PIP5K1C: variants seen among roughly 807,000 people sequenced by gnomAD.
The protein encoded by PIP5K1C is phosphatidylinositol 4-phosphate 5-kinase type-1 gamma.
In PIP5K1C, 45 loss-of-function variants were observed where a neutral mutation model predicts 80.1. That is an observed-to-expected ratio of 0.56 (90% CI 0.44 to 0.72). PIP5K1C has a LOEUF of 0.72. Among genes scored for constraint, PIP5K1C ranks in the 30% least tolerant of loss-of-function variants. The pLI, the probability that PIP5K1C is intolerant of heterozygous loss-of-function variation, is 0.00. For synonymous variants in PIP5K1C, 498 were observed against 420.1 expected, an observed-to-expected ratio of 1.19 and a Z score of -2.27; for missense variants, 753 against 954.6, an observed-to-expected ratio of 0.79 and a Z score of 2.78.
At chr19:3,664,716 C>T (rs990368188) in intron 3 of PIP5K1C, 106 bp downstream of exon 3, 1 of 976,186 alleles carries the variant, frequency 1.0e-6, no homozygotes, top group Admixed American at 1.7e-5. Flanking sequence ...CTGGGCAGAC[C>T]CTGGTTTGTG....
Position 3,634,179 on chromosome 19 carries a change from C to G in PIP5K1C, c.1921-659G>C, listed in dbSNP as rs554318428. Among the ~76,000 whole-genome samples the G allele has an allele frequency of 4.6e-5, 7 of 150,562 alleles. No homozygotes were observed. In the South Asian group the frequency reaches 1.3e-3, roughly 28 times the overall value. Reference sequence around the variant, plus strand: ...ACAGGCAGGGCCGTGTGCAGGGACACGGACAGCTCTTCCCAGCTGTGCCTG... The same window carrying G: ...ACAGGCAGGGCCGTGTGCAGGGACAGGGACAGCTCTTCCCAGCTGTGCCTG... On this transcript the variant is annotated intron_variant, in intron 16 of 17. Transcript: ENST00000335312.
chr19:3,675,220 T>C (rs1398842600), intron 1 of PIP5K1C, among the ~76,000 whole-genome samples: 1 of 152,176 alleles, frequency 6.6e-6, no homozygotes, highest in Non-Finnish European at 1.5e-5. Context: ...TTGCAATAAG[T>C]AAGCAGTAAG....
chr19:3,692,354 C>T lies in PIP5K1C; in HGVS notation c.94+7943G>A, dbSNP rs2035974991. 6.6e-6 allele frequency among the ~76,000 whole-genome samples: 1 copy of T among 152,162 alleles called. No homozygotes were observed. The highest frequency in any genetic ancestry group is 1.5e-5 in the Non-Finnish European group (1 of 68,010). On this transcript the variant is annotated intron_variant, in intron 1 of 17. Transcript: ENST00000335312. This position sits in a 1 kb window ranked among gnomAD's most constrained non-coding sequence, Gnocchi z 5.2. ...CGGCCCCCAACGCTCCCTACAGGGG[C>T]TCCTGGGGCCTCCCTCGCAGCTCGG...
At chr19:3,639,140 T>G (rs2145384013) in intron 15 of PIP5K1C, 124 bp from the exon 16 acceptor site, 1 of 1,193,132 alleles carries the variant, frequency 8.4e-7, no homozygotes, top group East Asian at 2.4e-5. Context: ...GCCAGGCAGC[T>G]GACCACAGGC....
intron 1 of PIP5K1C, among the ~76,000 whole-genome samples, chr19:3,670,598 C>G (rs537618023): frequency 6.6e-6 from 1 of 152,232 alleles, no homozygotes; most frequent in Admixed American, 6.5e-5. Context: ...CTGCTCCAAG[C>G]CCCCCAGTCC....
chr19:3,656,451 T>A lies in PIP5K1C; in HGVS notation c.575A>T (p.His192Leu). ...DDEFIIKTVM[H>L]KEAEFLQKLL... Reference sequence around the variant, plus strand: ...CTTCTGCAGGAACTCGGCCTCCTTGTGCATGACGGTCTTGATGATGAACTC... The same window carrying A: ...CTTCTGCAGGAACTCGGCCTCCTTGAGCATGACGGTCTTGATGATGAACTC... The change falls in exon 6 of 18, where the codon CAC becomes CTC. Residue 192 changes from histidine to leucine, a missense_variant. His to Leu is a moderately conservative substitution (Grantham distance 99). Transcript: ENST00000335312. 1 of 1,613,656 alleles carries A rather than the reference T, an allele frequency of 6.2e-7. No homozygotes were observed. The highest frequency in any genetic ancestry group is 8.5e-7 in the Non-Finnish European group (1 of 1,180,020).
intron 16 of PIP5K1C, among the ~76,000 whole-genome samples, chr19:3,633,826 G>C (rs771984345): frequency 6.6e-6 from 1 of 151,946 alleles, no homozygotes; most frequent in Admixed American, 6.6e-5. Context: ...TGGGGGTCGC[G>C]ACCTGGAGCA....
At chr19:3,656,695 A>C (rs927209555) in intron 5 of PIP5K1C, 138 bp from the exon 6 acceptor site, 3 of 1,005,448 alleles carry the variant, frequency 3.0e-6, no homozygotes, top group Non-Finnish European at 3.0e-6. Context: ...AGGCTCAGAG[A>C]GGGCGAGAGA....
At position 3,637,843 on chromosome 19, in the gene PIP5K1C, C is replaced by T. The variant is rs1190580760; in HGVS notation, c.1920+1041G>A. ...AGGGCATCAGGACACAGACACACAG[C>T]ACGACATGGCCCCCAGGCCCCCCGT... On this transcript the variant is annotated intron_variant, in intron 16 of 17. Transcript: ENST00000335312. This position sits in a 1 kb window ranked among gnomAD's most constrained non-coding sequence, Gnocchi z 7.0. 1.3e-6 allele frequency: 2 copies of T among 1,535,360 alleles called. No homozygotes were observed. Among genetic ancestry groups the T allele is most frequent in the African/African-American group, 1.4e-5 (1 of 73,140 alleles).
In PIP5K1C at chr19:3,700,422, A is replaced by C; in HGVS notation, c.-32T>G. 2 of 1,051,916 alleles carry C rather than the reference A, an allele frequency of 1.9e-6. No individual in the cohort carries two copies. Among genetic ancestry groups the C allele is most frequent in the Non-Finnish European group, 2.3e-6 (2 of 871,552 alleles). The allele number at this position is 1,051,916 out of a possible 1,614,324, so 65.2% of individuals were successfully genotyped here. The stretch of plus-strand genomic sequence containing the variant: ...GCGCGGACGGCGGCGGGGGCGCCCG[A>C]GGGGGACCCGAGCTGCGACCGCCGC... On this transcript the variant is annotated 5_prime_UTR_variant, in exon 1 of 18. Transcript: ENST00000335312.
intron 14 of PIP5K1C, 55 bp downstream of exon 14, chr19:3,642,852 G>C: frequency 6.9e-7 from 1 of 1,451,100 alleles, no homozygotes; most frequent in Non-Finnish European, 9.7e-7. Flanking sequence ...ACGGAGCTGG[G>C]AGCTGTGCAG....
At chr19:3,635,744 C>T (rs1013484299) in intron 16 of PIP5K1C, among the ~76,000 whole-genome samples, 1 of 152,100 alleles carries the variant, frequency 6.6e-6, no homozygotes, top group African/African-American at 2.4e-5. Flanking sequence ...CTTTGGGAGG[C>T]TGAGGCGGGC....
intron 2 of PIP5K1C, among the ~76,000 whole-genome samples, chr19:3,666,649 A>G (rs1369920381): frequency 1.3e-5 from 2 of 151,994 alleles, no homozygotes. Context: ...ACGTGCACAC[A>G]TGCACGCAAA....
intron 1 of PIP5K1C, among the ~76,000 whole-genome samples, chr19:3,685,194 C>T (rs2035716511): frequency 6.6e-6 from 1 of 152,180 alleles, no homozygotes; most frequent in Non-Finnish European, 1.5e-5. Flanking sequence ...TCAGGGGGTC[C>T]TCACACGGCT....
Position 3,633,096 on chromosome 19 carries a change from G to T in PIP5K1C, c.*71C>A, listed in dbSNP as rs2033517300. The T allele has an allele frequency of 1.1e-5, 8 of 724,548 alleles. No individual in the cohort carries two copies. Among genetic ancestry groups the T allele is most frequent in the Non-Finnish European group, 2.1e-5 (8 of 390,020 alleles). 44.9% of individuals were successfully genotyped at this position (724,548 alleles called of 1,614,324 possible). ...TCTCCCGAGCTCTGGGCCTCAGCGG[G>T]GTGGGCAGCGCCTTCGGGGGCAGCC... On this transcript the variant is annotated 3_prime_UTR_variant, in exon 18 of 18. Transcript: ENST00000335312.
chr19:3,633,298 A>G, intron 17 of PIP5K1C, 129 bp from the exon 18 acceptor site: 1 of 686,102 alleles, frequency 1.5e-6, no homozygotes, highest in Non-Finnish European at 2.6e-6. Flanking sequence ...TCAGAGCCAG[A>G]GAGCCCAGGG....
At chr19:3,645,082 G>A (rs1451267981) in intron 11 of PIP5K1C, among the ~76,000 whole-genome samples, 6 of 152,230 alleles carry the variant, frequency 3.9e-5, no homozygotes, top group African/African-American at 1.2e-4. Flanking sequence ...GATGAGAGGG[G>A]GTCCCTGACC....
At chr19:3,641,926 T>C (rs2145397424) in intron 14 of PIP5K1C, 117 bp from the exon 15 acceptor site, 1 of 803,360 alleles carries the variant, frequency 1.2e-6, no homozygotes, top group Admixed American at 2.0e-5. Context: ...GCCTCCTGAT[T>C]GGGTCTGTTC....
rs1368975842 is a variant in PIP5K1C, at chr19:3,632,117, T to G, written c.*1050A>C. On this transcript the variant is annotated 3_prime_UTR_variant, in exon 18 of 18. Transcript: ENST00000335312. ...AGGGTGATGAGTCGGAAACAAAGTC[T>G]TCTCTCCCCTCCTCGGAGACATCAC... 1 of 152,236 alleles carries G rather than the reference T, an allele frequency of 6.6e-6. No homozygotes were observed. The highest frequency in any genetic ancestry group is 2.4e-5 in the African/African-American group (1 of 41,466). The allele number at this position is 152,236 out of a possible 1,614,324, so 9.4% of individuals were successfully genotyped here.
Sources: gnomAD v4.1 joint callset for allele counts (sites outside exome capture counted in the v4.1 genomes callset) on GRCh38, gnomAD v4.1.1 for gene constraint, Gnocchi (gnomAD v3.1) non-coding constraint, MANE v1.5 for transcripts, NCBI Gene and HGNC (gene_info 2026-07-23, HGNC 2026-07-21) for gene names.